TUBA1C: variants seen among roughly 807,000 people sequenced by gnomAD.
TUBA1C encodes tubulin alpha 1c.
TUBA1C carries 16 observed loss-of-function variants against 34.9 expected under a neutral mutation model. The observed-to-expected ratio is 0.46, with a 90% confidence interval of 0.31 to 0.70. TUBA1C has a LOEUF of 0.70. TUBA1C is among the 30% of genes least tolerant of loss of function. TUBA1C has a pLI of 0.05. For synonymous variants in TUBA1C, 177 were observed against 215.9 expected (o/e 0.82, Z 1.58); for missense variants, 329 against 587.3 (o/e 0.56, Z 4.55).
chr12:49,264,876 T>G, upstream of TUBA1C: 1 of 138,138 alleles, frequency 7.2e-6, no homozygotes, highest in Non-Finnish European at 1.5e-5. Flanking sequence ...CTCCTCTTCC[T>G]GCTCCTGGCT....
chr12:49,256,522 A>C (rs1942786381), intron 1 of TUBA1C: 3 of 421,276 alleles, frequency 7.1e-6, no homozygotes. Context: ...GTCAGTGGGG[A>C]CTGAAACTGA....
intron 1 of TUBA1C, among the ~76,000 whole-genome samples, chr12:49,265,964 AAAAAAAAAC>A (rs1268186400): frequency 3.6e-5 from 5 of 139,996 alleles, no homozygotes; most frequent in African/African-American, 5.4e-5. Context: ...CTTTAAAAAA[AAAAAAAAAC>A]AAAAAAAAAC....
In TUBA1C at chr12:49,255,245, C is replaced by G. The variant is rs931061284; in HGVS notation, c.214-14220C>G. 2.6e-5 allele frequency among the ~76,000 whole-genome samples: 4 copies of G among 151,830 alleles called. No individual in the cohort carries two copies. In the East Asian group the frequency reaches 5.8e-4, roughly 22 times the overall value. ...GCTCTGAGAGTTTACAGTGAATAGT[C>G]TAATTCAGTATTTTGTTATTCTAAT... On this transcript the variant is annotated intron_variant, in intron 1 of 3. Transcript: ENST00000541364.
chr12:49,272,119 C>A (rs981183448), intron 3 of TUBA1C, 134 bp from the exon 4 acceptor site: 2 of 1,452,036 alleles, frequency 1.4e-6, no homozygotes, highest in East Asian at 4.7e-5. Context: ...TGAGCCACTG[C>A]GCCTGGCCCA....
intron 1 of TUBA1C, among the ~76,000 whole-genome samples, chr12:49,248,707 C>CA (rs1285767775): frequency 2.8e-5 from 4 of 145,004 alleles, no homozygotes; most frequent in South Asian, 4.4e-4. Context: ...ACTAAAAATT[C>CA]AAAAAAAATA....
chr12:49,268,555 C>T (rs1444545883), intron 1 of TUBA1C, among the ~76,000 whole-genome samples: 1 of 152,100 alleles, frequency 6.6e-6, no homozygotes, highest in Non-Finnish European at 1.5e-5. Context: ...CTTAACCTAT[C>T]AGTAAAGTCT....
At chr12:49,271,715 C>A (rs1942994072) in intron 3 of TUBA1C, among the ~76,000 whole-genome samples, 1 of 152,206 alleles carries the variant, frequency 6.6e-6, no homozygotes. Context: ...TACAAGACAT[C>A]CACTGTACCA....
At chr12:49,228,174 T>C (rs1455027926) in intron 1 of TUBA1C, 3 of 1,535,496 alleles carry the variant, frequency 2.0e-6, no homozygotes, top group African/African-American at 1.4e-5. Context: ...AAGGTAAGGC[T>C]GTAATAGTAA....
chr12:49,232,979 G>T (rs1942512699), intron 1 of TUBA1C: 1 of 152,218 alleles, frequency 6.6e-6, no homozygotes. Context: ...GTGATTAATT[G>T]ATTTTGACCC....
chr12:49,240,083 C>T (rs1373885940), intron 1 of TUBA1C, among the ~76,000 whole-genome samples: 1 of 150,056 alleles, frequency 6.7e-6, no homozygotes, highest in Non-Finnish European at 1.5e-5. Context: ...CACACCCTGC[C>T]TTTTTCCTCA....
At chr12:49,261,509 T>C (rs1263404523), upstream of TUBA1C, among the ~76,000 whole-genome samples, 1 of 152,168 alleles carries the variant, frequency 6.6e-6, no homozygotes, top group Non-Finnish European at 1.5e-5. Context: ...TTATTTCAAG[T>C]CTCAGGACTT....
At position 49,230,084 on chromosome 12, in the gene TUBA1C, C is replaced by CTT. The variant is rs574222733; in HGVS notation, c.213+1931_213+1932dup. 1.4e-3 allele frequency among the ~76,000 whole-genome samples: 206 copies of CTT among 143,544 alleles called. 1 individual carries two copies. Among genetic ancestry groups the CTT allele is most frequent in the Admixed American group, 0.011 (163 of 14,242 alleles). 94.2% of individuals were successfully genotyped at this position (143,544 alleles called of 152,430 possible). A position where few individuals can be genotyped will look rare whatever the true frequency, so the allele number is the denominator to read the frequency against. On this transcript the variant is annotated intron_variant, in intron 1 of 3. Transcript: ENST00000541364. ...TACAGGCATAAGTCAACATCCTGGCCTTTTTTTTTTTTTTCTTTTTTAGAA... is the reference window on the plus strand; with the variant it reads ...TACAGGCATAAGTCAACATCCTGGCCTTTTTTTTTTTTTTTTCTTTTTTAGAA...
At chr12:49,256,667 A>G (rs1395776122) in intron 1 of TUBA1C, among the ~76,000 whole-genome samples, 3 of 152,168 alleles carry the variant, frequency 2.0e-5, no homozygotes, top group African/African-American at 7.2e-5. Context: ...GTAAGGAAAA[A>G]GGTATATGGA....
chr12:49,244,415 A>T (rs905186033), intron 1 of TUBA1C, among the ~76,000 whole-genome samples: 1 of 152,190 alleles, frequency 6.6e-6, no homozygotes, highest in African/African-American at 2.4e-5. Flanking sequence ...ATTAAGAAGA[A>T]TTTACATCTA....
At chr12:49,256,740 T>C (rs1441030354) in intron 1 of TUBA1C, among the ~76,000 whole-genome samples, 1 of 152,218 alleles carries the variant, frequency 6.6e-6, no homozygotes, top group Admixed American at 6.6e-5. Context: ...GACCCTCATC[T>C]GTTAGAACCC....
chr12:49,257,820 G>A lies in TUBA1C; in HGVS notation c.214-11645G>A, dbSNP rs1942800231. On this transcript the variant is annotated intron_variant, in intron 1 of 3. Transcript: ENST00000541364. ...AGCTGTACAATGTGTTTTAAGCTGTGTTATTACAAGAGACAAAAAGTTTAA... is the reference window on the plus strand; with the variant it reads ...AGCTGTACAATGTGTTTTAAGCTGTATTATTACAAGAGACAAAAAGTTTAA... 1.7e-5 allele frequency: 3 copies of A among 175,332 alleles called. No individual in the cohort carries two copies. The South Asian group carries it at 2.2e-4, about 13-fold the overall frequency. 10.9% of individuals were successfully genotyped at this position (175,332 alleles called of 1,614,324 possible).
At position 49,269,853 on chromosome 12, in the gene TUBA1C, C is replaced by T; in HGVS notation, c.252C>T (p.Arg84=). The T allele has an allele frequency of 6.2e-7, 1 of 1,613,962 alleles. No homozygotes were observed. The highest frequency in any genetic ancestry group is 8.5e-7 in the Non-Finnish European group (1 of 1,180,024). The change falls in exon 3 of 4, where the codon CGC becomes CGT. Residue 84 remains arginine, a synonymous_variant. Coordinates refer to ENST00000301072, the MANE Select transcript of TUBA1C (RefSeq NM_032704.5). ...VIDEVRTGTY[R]QLFHPEQLIT... Reference sequence around the variant, plus strand: ...ATGAAGTTCGCACTGGCACTTACCGCCAGCTCTTCCACCCTGAGCAACTCA... The same window carrying T: ...ATGAAGTTCGCACTGGCACTTACCGTCAGCTCTTCCACCCTGAGCAACTCA...
chr12:49,271,609 G>T (rs1942992524), intron 3 of TUBA1C, among the ~76,000 whole-genome samples: 2 of 152,218 alleles, frequency 1.3e-5, no homozygotes, highest in African/African-American at 4.8e-5. Context: ...TAAGGAACTG[G>T]TACAGCCGGA....
intron 1 of TUBA1C, among the ~76,000 whole-genome samples, chr12:49,254,566 G>A (rs1394061614): frequency 1.3e-5 from 2 of 151,614 alleles, no homozygotes; most frequent in Non-Finnish European, 2.9e-5. Flanking sequence ...AGGCTCCTGA[G>A]TGCAGCAGCT....
Sources: allele counts gnomAD v4.1 joint callset (sites outside exome capture counted in the v4.1 genomes callset), GRCh38; gene constraint gnomAD v4.1.1; transcripts MANE v1.5; gene names NCBI Gene and HGNC (gene_info 2026-07-23, HGNC 2026-07-21).